LRRC4C: variants seen among roughly 807,000 people sequenced by gnomAD.
LRRC4C encodes leucine-rich repeat-containing protein 4C.
Under a neutral mutation model 33.6 loss-of-function variants are expected in LRRC4C, and 5 were observed. That is an observed-to-expected ratio of 0.15 (90% confidence interval 0.08 to 0.31). The LOEUF is 0.31. Among genes scored for constraint, LRRC4C ranks in the 10% least tolerant of loss-of-function variants. LRRC4C has a pLI of 1.00. For synonymous variants in LRRC4C, 329 were observed against 302.0 expected, an observed-to-expected ratio of 1.09 and a Z score of -0.93; for missense variants, 560 against 796.7, an observed-to-expected ratio of 0.70 and a Z score of 3.58.
rs371194601 is a variant in LRRC4C, at chr11:41,204,705, T to C, written c.-496+254726A>G. 2.0e-4 allele frequency among the ~76,000 whole-genome samples: 30 copies of C among 152,320 alleles called. 1 individual carries two copies. Among genetic ancestry groups the C allele is most frequent in the African/African-American group, 7.2e-4 (30 of 41,588 alleles). On this transcript the variant is annotated intron_variant, in intron 1 of 6. Coordinates refer to ENST00000528697, the MANE Select transcript of LRRC4C (RefSeq NM_001258419.2). Reference sequence around the variant, plus strand: ...ATTGAGCTCCTTATATGTTATCATTTTTTTCCTTTTTGCCTTTCTTTCTTT... The same window carrying C: ...ATTGAGCTCCTTATATGTTATCATTCTTTTCCTTTTTGCCTTTCTTTCTTT...
intron 3 of LRRC4C, among the ~76,000 whole-genome samples, chr11:40,385,305 G>T (rs533618106): frequency 1.8e-4 from 28 of 152,284 alleles, no homozygotes; most frequent in South Asian, 1.0e-3. Flanking sequence ...GCATTAATAA[G>T]CAAATACTGA....
intron 2 of LRRC4C, among the ~76,000 whole-genome samples, chr11:40,932,236 T>G (rs1957661449): frequency 6.6e-6 from 1 of 152,142 alleles, no homozygotes; most frequent in Non-Finnish European, 1.5e-5. Flanking sequence ...AGATGAGAAC[T>G]AATATTTATT....
chr11:41,037,142 G>T (rs1462136181), intron 1 of LRRC4C, among the ~76,000 whole-genome samples: 1 of 130,838 alleles, frequency 7.6e-6, no homozygotes, highest in Non-Finnish European at 1.7e-5. Flanking sequence ...CTCTCAGGTT[G>T]CCCCTTTCTG....
At chr11:41,223,260 T>C (rs1167531658) in intron 1 of LRRC4C, among the ~76,000 whole-genome samples, 1 of 152,184 alleles carries the variant, frequency 6.6e-6, no homozygotes, top group African/African-American at 2.4e-5. Flanking sequence ...ATTTGATGGC[T>C]GAAAGGTTCT....
intron 6 of LRRC4C, among the ~76,000 whole-genome samples, chr11:40,123,738 T>C (rs1346663020): frequency 6.6e-6 from 1 of 151,808 alleles, no homozygotes. Context: ...GAAAAAAAAA[T>C]CTTAAAATGT....
intron 6 of LRRC4C, among the ~76,000 whole-genome samples, chr11:40,128,611 T>C (rs1249582959): frequency 6.6e-6 from 1 of 152,182 alleles, no homozygotes; most frequent in Non-Finnish European, 1.5e-5. Context: ...AAATGCAAAC[T>C]GCTTTGGTCT....
At chr11:40,164,009 A>C (rs1859380865) in intron 5 of LRRC4C, among the ~76,000 whole-genome samples, 1 of 152,202 alleles carries the variant, frequency 6.6e-6, no homozygotes, top group Non-Finnish European at 1.5e-5. Flanking sequence ...ATGTTAGCAC[A>C]TTGTAGCAAG....
intron 1 of LRRC4C, among the ~76,000 whole-genome samples, chr11:41,381,543 T>C (rs1250210615): frequency 1.3e-5 from 2 of 151,660 alleles, no homozygotes; most frequent in Non-Finnish European, 2.9e-5. Context: ...AGGAGAATCA[T>C]TTGAACTGAG....
chr11:41,021,156 TGA>T lies in LRRC4C; in HGVS notation c.-495-87435_-495-87434del, dbSNP rs71060991. Among the ~76,000 whole-genome samples, 754 of 126,952 alleles carry T rather than the reference TGA, an allele frequency of 5.9e-3. 3 individuals are homozygous for T. The highest frequency in any genetic ancestry group is 0.013 in the African/African-American group (405 of 32,394). The allele number at this position is 126,952 out of a possible 152,430, so 83.3% of individuals were successfully genotyped here. A position where few individuals can be genotyped will look rare whatever the true frequency, so the allele number is the denominator to read the frequency against. On this transcript the variant is annotated intron_variant, in intron 1 of 6. Coordinates refer to ENST00000528697, the MANE Select transcript of LRRC4C (RefSeq NM_001258419.2). ...GTTATTTTGTTCCCAATCGTGCATCTGAGAGAGAGAGAGAGAGAGAGAGAGAG... is the reference window on the plus strand; with the variant it reads ...GTTATTTTGTTCCCAATCGTGCATCTGAGAGAGAGAGAGAGAGAGAGAGAG...
chr11:40,448,681 G>A (rs1049573034), intron 3 of LRRC4C, among the ~76,000 whole-genome samples: 7 of 152,092 alleles, frequency 4.6e-5, no homozygotes, highest in Non-Finnish European at 8.8e-5. Flanking sequence ...CCAGGTTTTT[G>A]CTATTGTGAA....
At chr11:40,813,670 A>G (rs896367512) in intron 2 of LRRC4C, among the ~76,000 whole-genome samples, 10 of 152,096 alleles carry the variant, frequency 6.6e-5, no homozygotes, top group African/African-American at 2.4e-4. Context: ...CCACAGTCCA[A>G]TGTCTCATCT....
At chr11:40,659,995 A>T (rs1484643099) in intron 2 of LRRC4C, among the ~76,000 whole-genome samples, 4 of 152,156 alleles carry the variant, frequency 2.6e-5, no homozygotes, top group Non-Finnish European at 4.4e-5. Flanking sequence ...AGGATAAAAG[A>T]TCTAGGGGCT....
At chr11:40,475,344 C>T (rs1170105519) in intron 3 of LRRC4C, among the ~76,000 whole-genome samples, 3 of 152,016 alleles carry the variant, frequency 2.0e-5, no homozygotes, top group Admixed American at 2.0e-4. Flanking sequence ...AGCAAACTAA[C>T]ACAGGAACAG....
intron 1 of LRRC4C, among the ~76,000 whole-genome samples, chr11:41,355,668 A>C (rs1402774358): frequency 6.6e-6 from 1 of 152,128 alleles, no homozygotes; most frequent in Non-Finnish European, 1.5e-5. Flanking sequence ...TAATTTAAAT[A>C]AACTAAATAT....
At chr11:41,106,266 T>TGTGC (rs1941488131) in intron 1 of LRRC4C, among the ~76,000 whole-genome samples, 1 of 151,848 alleles carries the variant, frequency 6.6e-6, no homozygotes, top group African/African-American at 2.4e-5. Context: ...TGTGTGTGTG[T>TGTGC]AGAAAAGTGG....
intron 2 of LRRC4C, among the ~76,000 whole-genome samples, chr11:40,789,604 G>A (rs1287615219): frequency 2.1e-5 from 3 of 141,798 alleles, no homozygotes; most frequent in African/African-American, 8.9e-5. Context: ...AAATGTAGCT[G>A]GGTACTGTCA....
chr11:41,112,815 T>G (rs1437609096), intron 1 of LRRC4C, among the ~76,000 whole-genome samples: 1 of 152,094 alleles, frequency 6.6e-6, no homozygotes, highest in East Asian at 1.9e-4. Flanking sequence ...AAGATCATGA[T>G]TTTCCTCATT....
At chr11:41,033,404 A>G (rs1472863754) in intron 1 of LRRC4C, among the ~76,000 whole-genome samples, 2 of 152,010 alleles carry the variant, frequency 1.3e-5, no homozygotes, top group Non-Finnish European at 2.9e-5. Context: ...GACAGCCACA[A>G]GCTTATGGAT....
At chr11:40,630,320 TTTCTTCTTCCTC>T (rs1555124481) in intron 3 of LRRC4C, among the ~76,000 whole-genome samples, 1 of 144,882 alleles carries the variant, frequency 6.9e-6, no homozygotes, top group South Asian at 2.2e-4. Context: ...ACTTGTTTTC[TTTCTTCTTCCTC>T]TTCTTCTTCT....
Sources: gnomAD v4.1 joint callset for allele counts (sites outside exome capture counted in the v4.1 genomes callset) on GRCh38, gnomAD v4.1.1 for gene constraint, MANE v1.5 for transcripts, NCBI Gene and HGNC (gene_info 2026-07-23, HGNC 2026-07-21) for gene names.